Variants in MME observed in about 807,000 individuals in gnomAD.
MME encodes membrane metalloendopeptidase.
In MME, 98 loss-of-function variants were observed where a neutral mutation model predicts 113.2. The observed-to-expected ratio is 0.87, with a 90% CI of 0.74 to 1.02. MME has a LOEUF of 1.02. Ranked by LOEUF, MME falls within the 50% of genes least tolerant of loss-of-function variation. The pLI is 0.00. For synonymous variants in MME, 292 were observed against 300.6 expected (o/e 0.97, Z 0.30); for missense variants, 836 against 896.0 (o/e 0.93, Z 0.86).
At chr3:155,140,070 A>G (rs1475818223) in intron 9 of MME, 121 bp from the exon 10 acceptor site, 24 of 572,556 alleles carry the variant, frequency 4.2e-5, no homozygotes, top group Non-Finnish European at 6.2e-5. Flanking sequence ...AATTACAAAA[A>G]CAAGTACAGA....
At chr3:155,159,884 A>G (rs1722588235) in intron 16 of MME, among the ~76,000 whole-genome samples, 1 of 152,068 alleles carries the variant, frequency 6.6e-6, no homozygotes, top group Non-Finnish European at 1.5e-5. Flanking sequence ...AATGGCAATA[A>G]TCAGAGACAT....
intron 8 of MME, among the ~76,000 whole-genome samples, chr3:155,128,028 A>G (rs1719829873): frequency 6.6e-6 from 1 of 152,160 alleles, no homozygotes; most frequent in South Asian, 2.1e-4. Flanking sequence ...TTCCATAACT[A>G]TGTACTTTTG....
At chr3:155,140,954 C>T (rs1377082472) in intron 10 of MME, among the ~76,000 whole-genome samples, 1 of 152,260 alleles carries the variant, frequency 6.6e-6, no homozygotes, top group East Asian at 1.9e-4. Context: ...AAATAGGACA[C>T]AAATAAAAAG....
At chr3:155,101,962 C>G (rs1041439751) in intron 3 of MME, among the ~76,000 whole-genome samples, 1 of 152,140 alleles carries the variant, frequency 6.6e-6, no homozygotes, top group Non-Finnish European at 1.5e-5. Flanking sequence ...ACACAGACAG[C>G]GAAGGATCCT....
chr3:155,040,742 C>A (rs1035044895), intron 1 of MME, among the ~76,000 whole-genome samples: 3 of 151,854 alleles, frequency 2.0e-5, no homozygotes, highest in Admixed American at 2.0e-4. Flanking sequence ...AAAAGACTGG[C>A]CTATATTTGA....
At chr3:155,050,058 C>T (rs2108127248) in intron 1 of MME, among the ~76,000 whole-genome samples, 1 of 152,248 alleles carries the variant, frequency 6.6e-6, no homozygotes, top group South Asian at 2.1e-4. Flanking sequence ...TTCTTTAGCT[C>T]CCAGTTGTAA....
intron 3 of MME, among the ~76,000 whole-genome samples, chr3:155,093,561 G>A (rs1716473220): frequency 6.6e-6 from 1 of 152,098 alleles, no homozygotes; most frequent in Non-Finnish European, 1.5e-5. Flanking sequence ...TTAACTGATA[G>A]AAAGTCAAGA....
intron 1 of MME, among the ~76,000 whole-genome samples, chr3:155,042,852 A>G (rs551223559): frequency 1.4e-5 from 2 of 142,492 alleles, no homozygotes; most frequent in Non-Finnish European, 3.0e-5. Flanking sequence ...TTAAGAGGCC[A>G]TTCAAGTAAA....
At chr3:155,050,351 A>G (rs1194730065) in intron 1 of MME, among the ~76,000 whole-genome samples, 2 of 152,186 alleles carry the variant, frequency 1.3e-5, no homozygotes, top group Admixed American at 6.5e-5. Context: ...TATATACCCA[A>G]TAATGGGATT....
intron 8 of MME, among the ~76,000 whole-genome samples, chr3:155,129,781 T>C (rs573973194): frequency 1.3e-5 from 2 of 152,330 alleles, no homozygotes; most frequent in African/African-American, 4.8e-5. Flanking sequence ...GACAATTCTA[T>C]TCCTTACAGA....
chr3:155,149,490 G>T (rs1037633472), intron 16 of MME, among the ~76,000 whole-genome samples: 4 of 152,202 alleles, frequency 2.6e-5, no homozygotes, highest in Non-Finnish European at 5.9e-5. Flanking sequence ...CCAAAGAGGT[G>T]CTTGTTTCAT....
chr3:155,027,294 A>T (rs893586280), intron 1 of MME, among the ~76,000 whole-genome samples: 3 of 152,046 alleles, frequency 2.0e-5, no homozygotes. Context: ...CACTTCCCTC[A>T]TCTACACAAC....
intron 18 of MME, 30 bp downstream of exon 18, chr3:155,167,051 T>A: frequency 6.2e-7 from 1 of 1,612,676 alleles, no homozygotes; most frequent in East Asian, 2.2e-5. Context: ...TTCCTTTGGC[T>A]GAGGTATATG....
intron 1 of MME, among the ~76,000 whole-genome samples, chr3:155,054,961 A>G (rs985489275): frequency 2.0e-5 from 3 of 152,236 alleles, no homozygotes; most frequent in African/African-American, 7.2e-5. Context: ...AATGTCATTG[A>G]TTGCTGGCAT....
chr3:155,064,204 G>A (rs1480526737), intron 1 of MME, among the ~76,000 whole-genome samples: 9 of 149,132 alleles, frequency 6.0e-5, no homozygotes, highest in Non-Finnish European at 1.2e-4. Flanking sequence ...CAGGAGAATC[G>A]CTTGAACCTG....
At chr3:155,047,335 G>A (rs973044235) in intron 1 of MME, among the ~76,000 whole-genome samples, 5 of 152,146 alleles carry the variant, frequency 3.3e-5, no homozygotes, top group Non-Finnish European at 7.4e-5. Flanking sequence ...TGTGCAGGTG[G>A]TAACCTAGGA....
intron 1 of MME, among the ~76,000 whole-genome samples, chr3:155,036,515 G>A (rs1713133295): frequency 6.6e-6 from 1 of 152,002 alleles, no homozygotes; most frequent in South Asian, 2.1e-4. Flanking sequence ...TCATATACAT[G>A]TGATCATACA....
upstream of MME, among the ~76,000 whole-genome samples, chr3:155,078,661 G>GTGTGTA (rs1416004162): frequency 8.5e-6 from 1 of 118,338 alleles, no homozygotes; most frequent in Non-Finnish European, 1.7e-5. Context: ...GTGTGTGTAT[G>GTGTGTA]TGTGTGTGTG....
rs557382691 is a variant in MME, at chr3:155,043,211, A to G, written c.-11+18887A>G. ...TTTCTTACAGTAATTTTATAATGCT[A>G]TTTTAAAATTTTTGATATAGCCAGA... On this transcript the variant is annotated intron_variant, in intron 1 of 22. Coordinates refer to the MME transcript ENST00000492661. Among the ~76,000 whole-genome samples the G allele has an allele frequency of 2.1e-4, 32 of 151,352 alleles. 1 individual carries two copies. The South Asian group carries it at 6.4e-3, about 30-fold the overall frequency.
Sources: allele counts gnomAD v4.1 joint callset (sites outside exome capture counted in the v4.1 genomes callset), GRCh38; gene constraint gnomAD v4.1.1; transcripts MANE v1.5; gene names NCBI Gene and HGNC (gene_info 2026-07-23, HGNC 2026-07-21).